Variants in GRIK2 observed in about 807,000 individuals in gnomAD.
GRIK2 encodes the protein glutamate ionotropic receptor kainate type subunit 2, also known as glutamate receptor ionotropic, kainate 2.
A neutral mutation model predicts 100.3 loss-of-function variants in GRIK2; 32 were observed. The observed-to-expected ratio is 0.32, with a 90% CI of 0.24 to 0.43. The LOEUF (loss-of-function observed/expected upper bound fraction) is 0.43. Ranked by LOEUF, GRIK2 falls within the 20% of genes least tolerant of loss-of-function variation. The pLI, the probability that GRIK2 is intolerant of heterozygous loss-of-function variation, is 1.00. For missense variants in GRIK2, 843 were observed against 1,114.9 expected (o/e 0.76, Z 3.47); for synonymous variants, 417 against 389.4 (o/e 1.07, Z -0.83).
intron 2 of GRIK2, among the ~76,000 whole-genome samples, chr6:101,470,902 A>G (rs1771913511): frequency 6.6e-6 from 1 of 152,200 alleles, no homozygotes; most frequent in African/African-American, 2.4e-5. Flanking sequence ...CATTTAGTGG[A>G]CTGCATGATC....
chr6:101,450,207 T>A (rs547514323), intron 2 of GRIK2, among the ~76,000 whole-genome samples: 1 of 151,786 alleles, frequency 6.6e-6, no homozygotes, highest in South Asian at 2.1e-4. Context: ...CACATCCAGA[T>A]GGCTTGAAAT....
chr6:101,930,203 G>A (rs1402306527), intron 14 of GRIK2, among the ~76,000 whole-genome samples: 1 of 151,908 alleles, frequency 6.6e-6, no homozygotes. Flanking sequence ...TTAGTGTGGT[G>A]TGGTGGCATG....
At chr6:102,054,226 G>A (rs952054057) in intron 15 of GRIK2, among the ~76,000 whole-genome samples, 17 of 152,108 alleles carry the variant, frequency 1.1e-4, no homozygotes, top group South Asian at 8.3e-4. Context: ...ACATTCTATG[G>A]TTCTCGTCTT....
intron 9 of GRIK2, among the ~76,000 whole-genome samples, chr6:101,806,635 T>G (rs1350418475): frequency 1.3e-5 from 2 of 151,708 alleles, no homozygotes; most frequent in African/African-American, 4.8e-5. Flanking sequence ...GGTTTTTTTT[T>G]TTTTCTCATT....
At chr6:101,582,139 A>G (rs1778133307) in intron 2 of GRIK2, among the ~76,000 whole-genome samples, 1 of 152,066 alleles carries the variant, frequency 6.6e-6, no homozygotes, top group South Asian at 2.1e-4. Flanking sequence ...TTACATAGGT[A>G]TACATGTGCC....
chr6:101,457,487 C>G (rs979412596), intron 2 of GRIK2, among the ~76,000 whole-genome samples: 8 of 151,884 alleles, frequency 5.3e-5, no homozygotes, highest in Non-Finnish European at 1.2e-4. Context: ...TCTTTATTGG[C>G]CAAGATAGTC....
intron 2 of GRIK2, among the ~76,000 whole-genome samples, chr6:101,468,343 G>T (rs919308930): frequency 6.6e-6 from 1 of 152,170 alleles, no homozygotes; most frequent in Non-Finnish European, 1.5e-5. Flanking sequence ...ATCTTCACAT[G>T]AAAACATTCA....
chr6:101,396,242 T>TCCC (rs112605796), intron 1 of GRIK2, among the ~76,000 whole-genome samples: 95 of 132,300 alleles, frequency 7.2e-4, no homozygotes, highest in African/African-American at 1.5e-3. Flanking sequence ...AATTTAGCAT[T>TCCC]CCCCCCCCCC....
intron 14 of GRIK2, among the ~76,000 whole-genome samples, chr6:101,976,001 A>G (rs1793357332): frequency 6.6e-6 from 1 of 152,052 alleles, no homozygotes; most frequent in Admixed American, 6.6e-5. Flanking sequence ...AGAGGATGAT[A>G]TACAAAAACA....
At chr6:102,001,840 T>C (rs921399639) in intron 14 of GRIK2, among the ~76,000 whole-genome samples, 4 of 152,012 alleles carry the variant, frequency 2.6e-5, no homozygotes, top group Non-Finnish European at 5.9e-5. Flanking sequence ...ACTTGTTATA[T>C]GAAATTGTGC....
At chr6:101,831,926 G>A (rs1486259019) in intron 10 of GRIK2, among the ~76,000 whole-genome samples, 1 of 151,888 alleles carries the variant, frequency 6.6e-6, no homozygotes, top group Non-Finnish European at 1.5e-5. Flanking sequence ...GACTATTTTA[G>A]AATGCCTAAA....
intron 2 of GRIK2, among the ~76,000 whole-genome samples, chr6:101,407,597 CT>C (rs1012719550): frequency 2.0e-5 from 3 of 151,300 alleles, no homozygotes; most frequent in South Asian, 2.1e-4. Flanking sequence ...GCTCTTTTCT[CT>C]TTTTTTTTCC....
intron 2 of GRIK2, among the ~76,000 whole-genome samples, chr6:101,496,486 T>C (rs1433974109): frequency 6.6e-6 from 1 of 152,188 alleles, no homozygotes; most frequent in Non-Finnish European, 1.5e-5. Flanking sequence ...TTCTGAACTG[T>C]CAGTGGGTGT....
Position 101,913,836 on chromosome 6 carries a change from A to G in GRIK2, c.1749-10765A>G, listed in dbSNP as rs139653823. On this transcript the variant is annotated intron_variant, in intron 12 of 16. Transcript: ENST00000369134. ...TATTTTTGATCTATTTAGATAAACC[A>G]TAAGACTCTTGTTAGAGCATAGTAG... Among the ~76,000 whole-genome samples, 51 of 151,716 alleles carry G rather than the reference A, an allele frequency of 3.4e-4. No homozygotes were observed. In the East Asian group the frequency reaches 9.3e-3, roughly 28 times the overall value.
intron 12 of GRIK2, among the ~76,000 whole-genome samples, chr6:101,922,141 C>CCTTCCTTCCT (rs1554286919): frequency 1.8e-5 from 1 of 56,454 alleles, no homozygotes; most frequent in African/African-American, 5.4e-5. Flanking sequence ...CCTTCCTTCC[C>CCTTCCTTCCT]TCCCTTCCTC....
intron 7 of GRIK2, among the ~76,000 whole-genome samples, chr6:101,752,046 T>G (rs1021735087): frequency 1.3e-5 from 2 of 152,200 alleles, no homozygotes; most frequent in African/African-American, 2.4e-5. Flanking sequence ...TACAATTTCA[T>G]GTAGAAAAGA....
chr6:101,751,841 G>C lies in GRIK2; in HGVS notation c.952-47807G>C, dbSNP rs576912691. Among the ~76,000 whole-genome samples the C allele has an allele frequency of 7.2e-5, 11 of 152,270 alleles. No homozygotes were observed. In the South Asian group the frequency reaches 2.3e-3, roughly 32 times the overall value. ...GCAAAATTACTTCATAGATGATACT[G>C]TCTTCTTCCCTCAGAAGGTTGTTAA... On this transcript the variant is annotated intron_variant, in intron 7 of 16. Transcript: ENST00000369134.
intron 2 of GRIK2, among the ~76,000 whole-genome samples, chr6:101,603,046 T>A (rs1399684847): frequency 1.3e-5 from 2 of 151,698 alleles, no homozygotes; most frequent in South Asian, 4.1e-4. Context: ...ATTTGCCTTT[T>A]GAGGGTCCAA....
intron 2 of GRIK2, among the ~76,000 whole-genome samples, chr6:101,521,377 T>C (rs1774875612): frequency 6.6e-6 from 1 of 152,076 alleles, no homozygotes; most frequent in Admixed American, 6.6e-5. Flanking sequence ...ACTTACAATA[T>C]TTTTTCTATG....
Sources: gnomAD v4.1 joint callset for allele counts (sites outside exome capture counted in the v4.1 genomes callset) on GRCh38, gnomAD v4.1.1 for gene constraint, MANE v1.5 for transcripts, NCBI Gene and HGNC (gene_info 2026-07-23, HGNC 2026-07-21) for gene names.